The following GPR137 variants were observed in gnomAD, a reference collection of about 807,000 sequenced individuals.
The protein encoded by GPR137 is G protein-coupled receptor 137, also known as integral membrane protein GPR137.
GPR137 carries 20 observed loss-of-function variants against 38.9 expected under a neutral mutation model. The ratio of observed to expected loss-of-function variants is 0.51; its 90% CI spans 0.36 to 0.75. The LOEUF is 0.75. Ranked by LOEUF, GPR137 falls within the 30% of genes least tolerant of loss-of-function variation. The pLI, the probability that GPR137 is intolerant of heterozygous loss-of-function variation, is 0.00. For synonymous variants in GPR137, 226 were observed against 235.8 expected (o/e 0.96, Z 0.38); for missense variants, 456 against 526.4 (o/e 0.87, Z 1.31).
chr11:64,285,618 G>A (rs1282856540), upstream of GPR137: 2 of 985,148 alleles, frequency 2.0e-6, no homozygotes, highest in East Asian at 2.3e-4. Flanking sequence ...GTAAAGGCGG[G>A]CGGCACGGGG....
chr11:64,284,869 A>G (rs563409227), upstream of GPR137: 2 of 1,476,592 alleles, frequency 1.4e-6, no homozygotes, highest in African/African-American at 1.4e-5. Flanking sequence ...CGGGGCTCAC[A>G]TCCTCGCTGC....
chr11:64,282,366 C>A (rs545325423), upstream of GPR137, among the ~76,000 whole-genome samples: 3 of 151,244 alleles, frequency 2.0e-5, no homozygotes, highest in South Asian at 4.2e-4. Flanking sequence ...GTCTGGGAGG[C>A]CAAGGTGAGA....
chr11:64,285,647 C>T, upstream of GPR137: 1 of 985,152 alleles, frequency 1.0e-6, no homozygotes, highest in South Asian at 4.7e-5. Flanking sequence ...ACCCGGGGAC[C>T]CCCTGGATGC....
chr11:64,281,318 G>A (rs2033455780), upstream of GPR137, among the ~76,000 whole-genome samples: 1 of 151,720 alleles, frequency 6.6e-6, no homozygotes, highest in Non-Finnish European at 1.5e-5. Flanking sequence ...TCTTTCCCTC[G>A]CACCCCACAT....
At chr11:64,275,959 T>C (rs1836986547) in intron 1 of GPR137, among the ~76,000 whole-genome samples, 1 of 152,038 alleles carries the variant, frequency 6.6e-6, no homozygotes, top group African/African-American at 2.4e-5. Flanking sequence ...GCAGAGAGCA[T>C]AGGTAACTTG....
At chr11:64,287,602 A>G in intron 2 of GPR137, 119 bp from the exon 3 acceptor site, 1 of 1,525,862 alleles carries the variant, frequency 6.6e-7, no homozygotes, top group South Asian at 1.2e-5. Context: ...GAGTGGAGGA[A>G]CAGGGCTCAG....
upstream of GPR137, among the ~76,000 whole-genome samples, chr11:64,273,038 C>T (rs2032756643): frequency 6.6e-6 from 1 of 152,092 alleles, no homozygotes; most frequent in Middle Eastern, 3.2e-3. Flanking sequence ...CCAGCCTAGG[C>T]AACATTGCAA....
At chr11:64,285,137 G>T, upstream of GPR137, 1 of 1,001,600 alleles carries the variant, frequency 1.0e-6, no homozygotes, top group Non-Finnish European at 1.2e-6. Context: ...TATTGTTACC[G>T]CTCCGCCTGG....
rs754785516 is a variant in GPR137, at chr11:64,288,753, G to T, written c.1031+32G>T. The T allele has an allele frequency of 6.9e-7, 1 of 1,451,326 alleles. No individual in the cohort carries two copies. The highest frequency in any genetic ancestry group is 2.2e-5 in the Admixed American group (1 of 46,448). The allele number at this position is 1,451,326 out of a possible 1,614,324, so 89.9% of individuals were successfully genotyped here. On this transcript the variant is annotated intron_variant, in intron 6 of 6. Transcript: ENST00000438980. The surrounding 1 kb of genome is among the most constrained non-coding windows in gnomAD (Gnocchi z 5.5). ...GCCGTGGCACTGCCTCAGTACCCCT[G>T]CCCTACCCGCCCACCCCGCTGGCTC...
chr11:64,275,879 CATTT>C (rs2033021575), intron 1 of GPR137: 1 of 152,064 alleles, frequency 6.6e-6, no homozygotes, highest in Non-Finnish European at 1.5e-5. Flanking sequence ...TGTATTCATT[CATTT>C]GATCCTTGCC....
chr11:64,277,202 C>T (rs141410140), intron 2 of GPR137, among the ~76,000 whole-genome samples: 4 of 152,288 alleles, frequency 2.6e-5, no homozygotes, highest in African/African-American at 7.2e-5. Context: ...TACCACATGC[C>T]GACCACACAC....
upstream of GPR137, chr11:64,272,607 T>C (rs1040686117): frequency 3.3e-5 from 5 of 152,242 alleles, no homozygotes; most frequent in African/African-American, 4.8e-5. Context: ...CCATTGATGG[T>C]GCACTTACGT....
In GPR137 at chr11:64,286,564, C is replaced by G; in HGVS notation, c.40C>G (p.Leu14Val). The change falls in exon 1 of 7, where the codon CTG becomes GTG. Residue 14 changes from leucine to valine, a missense_variant. By Grantham distance (32) the Leu-to-Val change is conservative (BLOSUM62 1). Coordinates refer to ENST00000438980, the MANE Select transcript of GPR137 (RefSeq NM_001170880.2). ...NLSGLVPAAGLVPALPPAVTL... is the reference protein window; with the variant it reads ...NLSGLVPAAGVVPALPPAVTL... ...GTCTGGCCTGGTGCCTGCTGCCGGG[C>G]TGGTGCCTGCGCTGCCACCTGCTGT... The G allele has an allele frequency of 1.2e-6, 2 of 1,613,416 alleles. No homozygotes were observed. The highest frequency in any genetic ancestry group is 2.2e-5 in the South Asian group (2 of 91,062).
upstream of GPR137, among the ~76,000 whole-genome samples, chr11:64,280,947 T>C (rs2033427002): frequency 1.4e-5 from 2 of 148,040 alleles, no homozygotes; most frequent in African/African-American, 5.0e-5. Context: ...GGATTACAGG[T>C]GTGAGCCACC....
chr11:64,272,660 G>A (rs767417359), upstream of GPR137: 4 of 152,264 alleles, frequency 2.6e-5, no homozygotes, highest in Non-Finnish European at 4.4e-5. Context: ...ACCACCCTGG[G>A]AGGTGAGTAC....
upstream of GPR137, chr11:64,271,643 C>T (rs752601428): frequency 6.0e-6 from 9 of 1,503,988 alleles, no homozygotes; most frequent in Non-Finnish European, 8.0e-6. Flanking sequence ...CGTCACTCAT[C>T]CTCCGGAGCT....
rs138261831 is a variant in GPR137 at position 64,287,008 on chromosome 11, G to A, written c.401G>A (p.Arg134Gln). The A allele has an allele frequency of 5.7e-5, 92 of 1,613,646 alleles. No individual in the cohort carries two copies. Among genetic ancestry groups the A allele is most frequent in the Non-Finnish European group, 7.4e-5 (87 of 1,179,894 alleles). Reference protein sequence around the residue: ...AKVKRRPEMSRGLLAVRGAFV... With the variant: ...AKVKRRPEMSQGLLAVRGAFV... ...GTGAAGCGTCGGCCGGAGATGAGCC[G>A]AGGCTTGTAAGTACTCGGGACACTG... is the stretch of plus-strand genomic sequence containing the variant. The change falls in exon 2 of 7, where the codon CGA becomes CAA. Residue 134 changes from arginine to glutamine, a missense_variant. Coordinates refer to ENST00000438980, the MANE Select transcript of GPR137 (RefSeq NM_001170880.2).
chr11:64,289,498 G>T (rs957874690), downstream of GPR137: 5 of 1,363,786 alleles, frequency 3.7e-6, no homozygotes, highest in South Asian at 1.5e-5. Flanking sequence ...CCCCACAGTT[G>T]TGCACCTGTC....
rs371290655 is a variant in GPR137, at chr11:64,287,850, C to T, written c.537C>T (p.Ser179=). The change falls in exon 3 of 7, where the codon AGC becomes AGT. Residue 179 remains serine, a synonymous_variant. Coordinates refer to ENST00000438980, the MANE Select transcript of GPR137 (RefSeq NM_001170880.2). ...TGCTGCTTGTCCGCGTCCTGGTGAG[C>T]GACTCCCTGTTCGTCATCTGCGCGC... is the stretch of plus-strand genomic sequence containing the variant. ...WALLLVRVLV[S]DSLFVICALS... The T allele has an allele frequency of 6.9e-6, 11 of 1,605,206 alleles. No homozygotes were observed. Among genetic ancestry groups the T allele is most frequent in the African/African-American group, 2.7e-5 (2 of 74,874 alleles).
Sources: gnomAD v4.1 joint callset for allele counts (sites outside exome capture counted in the v4.1 genomes callset) on GRCh38, gnomAD v4.1.1 for gene constraint, Gnocchi (gnomAD v3.1) non-coding constraint, MANE v1.5 for transcripts, NCBI Gene and HGNC (gene_info 2026-07-23, HGNC 2026-07-21) for gene names.